The following TBC1D16 variants were observed in gnomAD, a reference collection of about 807,000 sequenced individuals.
TBC1D16 encodes the protein TBC1 domain family member 16.
TBC1D16 carries 58 observed loss-of-function variants against 74.7 expected under a neutral mutation model. The ratio of observed to expected loss-of-function variants is 0.78; its 90% CI spans 0.63 to 0.97. TBC1D16 has a LOEUF of 0.97. Among genes scored for constraint, TBC1D16 ranks in the 50% least tolerant of loss-of-function variants. TBC1D16 has a pLI of 0.00. For synonymous variants in TBC1D16, 493 were observed against 474.7 expected, an observed-to-expected ratio of 1.04 and a Z score of -0.50; for missense variants, 1,014 against 1,079.5, an observed-to-expected ratio of 0.94 and a Z score of 0.85.
In TBC1D16 at chr17:79,985,026, A is replaced by G. The variant is rs2034777130; in HGVS notation, c.779+25134T>C. On this transcript the variant is annotated intron_variant, in intron 3 of 11. Transcript: ENST00000310924. This position sits in a 1 kb window ranked among gnomAD's most constrained non-coding sequence, Gnocchi z 4.9. Reference sequence around the variant, plus strand: ...TGAAGGACCACAGACCAGAAGCTTGAAAACAACAGAAATGTATTGTCTGGC... The same window carrying G: ...TGAAGGACCACAGACCAGAAGCTTGGAAACAACAGAAATGTATTGTCTGGC... Among the ~76,000 whole-genome samples the G allele has an allele frequency of 6.6e-6, 1 of 152,144 alleles. No individual in the cohort carries two copies. Among genetic ancestry groups the G allele is most frequent in the African/African-American group, 2.4e-5 (1 of 41,414 alleles).
intron 3 of TBC1D16, among the ~76,000 whole-genome samples, chr17:79,967,013 A>G (rs1370138315): frequency 6.6e-6 from 1 of 152,234 alleles, no homozygotes; most frequent in African/African-American, 2.4e-5. Context: ...GCATTTCAAA[A>G]TAAAAACATT....
Position 79,947,647 on chromosome 17 carries a change from G to A in TBC1D16, c.1726C>T (p.Leu576=), listed in dbSNP as rs2032661563. Reference sequence around the variant, plus strand: ...GCACCCATCCCCCTGAGCCTCACCAGTTGTTTCTCCATGTCCTCGTCCCGG... The same window carrying A: ...GCACCCATCCCCCTGAGCCTCACCAATTGTTTCTCCATGTCCTCGTCCCGG... ...SPRDEDMEKQ[L]LYLRELLRLT... The change falls in exon 9 of 12, where the codon CTG becomes TTG. Residue 576 remains leucine (L), a splice_region_variant and synonymous_variant. Transcript: ENST00000310924. 1 of 1,613,948 alleles carries A rather than the reference G, an allele frequency of 6.2e-7. No homozygotes were observed. Among genetic ancestry groups the A allele is most frequent in the Non-Finnish European group, 8.5e-7 (1 of 1,179,988 alleles).
chr17:79,983,745 C>G lies in TBC1D16; in HGVS notation c.779+26415G>C, dbSNP rs1330595312. On this transcript the variant is annotated intron_variant, in intron 3 of 11. Coordinates refer to ENST00000310924, the MANE Select transcript of TBC1D16 (RefSeq NM_019020.4). The surrounding 1 kb of genome is among the most constrained non-coding windows in gnomAD (Gnocchi z 5.6). ...GGAGGAAGGAGTGGAGCACTGGCCT[C>G]CTAGGAAGCTCTAGTTCAGACACAG... Among the ~76,000 whole-genome samples the G allele has an allele frequency of 6.6e-6, 1 of 152,046 alleles. No homozygotes were observed. Among genetic ancestry groups the G allele is most frequent in the East Asian group, 1.9e-4 (1 of 5,198 alleles).
At position 79,994,960 on chromosome 17, in the gene TBC1D16, A is replaced by AT. The variant is rs2035212568; in HGVS notation, c.779+15199dup. 6.6e-6 allele frequency among the ~76,000 whole-genome samples: 1 copy of AT among 152,126 alleles called. No individual in the cohort carries two copies. Among genetic ancestry groups the AT allele is most frequent in the Non-Finnish European group, 1.5e-5 (1 of 68,020 alleles). On this transcript the variant is annotated intron_variant, in intron 3 of 11. Coordinates refer to ENST00000310924, the MANE Select transcript of TBC1D16 (RefSeq NM_019020.4). The surrounding 1 kb of genome is among the most constrained non-coding windows in gnomAD (Gnocchi z 4.6). The stretch of plus-strand genomic sequence containing the variant: ...TGAACAAGCTGGGTAATTTACAAAA[A>AT]TTTTCACCTTTTTGTTTGTTTTCTT...
In TBC1D16 at chr17:79,988,523, A is replaced by T. The variant is rs2034933448; in HGVS notation, c.779+21637T>A. On this transcript the variant is annotated intron_variant, in intron 3 of 11. Coordinates refer to ENST00000310924, the MANE Select transcript of TBC1D16 (RefSeq NM_019020.4). The surrounding 1 kb of genome is among the most constrained non-coding windows in gnomAD (Gnocchi z 5.7). ...CCATGGCTGAAAGTCAAACGCGCCC[A>T]GAGTCCACAGTCGACCACCTCCCGC... is the stretch of plus-strand genomic sequence containing the variant. Among the ~76,000 whole-genome samples the T allele has an allele frequency of 6.6e-6, 1 of 152,258 alleles. No individual in the cohort carries two copies. The highest frequency in any genetic ancestry group is 1.5e-5 in the Non-Finnish European group (1 of 68,042).
In TBC1D16 at chr17:79,940,332, G is replaced by C. The variant is rs913866872; in HGVS notation, c.*527C>G. ...CCATCGGCATCCCAGCTGTGGCTGG[G>C]GACGTTTTGGGAAGTGTGTTTGGCT... On this transcript the variant is annotated 3_prime_UTR_variant, in exon 12 of 12. Transcript: ENST00000310924. This position sits in a 1 kb window ranked among gnomAD's most constrained non-coding sequence, Gnocchi z 5.4. 3 of 152,390 alleles carry C rather than the reference G, an allele frequency of 2.0e-5. No individual in the cohort carries two copies. The highest frequency in any genetic ancestry group is 7.2e-5 in the African/African-American group (3 of 41,436). The allele number at this position is 152,390 out of a possible 1,614,324, so 9.4% of individuals were successfully genotyped here. A position where few individuals can be genotyped will look rare whatever the true frequency, so the allele number is the denominator to read the frequency against.
At chr17:80,011,806 A>AAAGAG (rs1210550165) in intron 2 of TBC1D16, among the ~76,000 whole-genome samples, 1 of 151,680 alleles carries the variant, frequency 6.6e-6, no homozygotes, top group African/African-American at 2.4e-5. Flanking sequence ...AGCCTGGATG[A>AAAGAG]CAGAGCGAGA....
At chr17:80,014,661 C>A (rs2036024633) in intron 1 of TBC1D16, among the ~76,000 whole-genome samples, 1 of 152,136 alleles carries the variant, frequency 6.6e-6, no homozygotes, top group Non-Finnish European at 1.5e-5. Context: ...GAATCTGGCA[C>A]CACTGAGAAG....
chr17:79,948,089 T>C lies in TBC1D16; in HGVS notation c.1542-258A>G, dbSNP rs528540994. Among the ~76,000 whole-genome samples the C allele has an allele frequency of 5.3e-5, 8 of 152,304 alleles. No individual in the cohort carries two copies. The South Asian group carries it at 1.7e-3, about 32-fold the overall frequency. On this transcript the variant is annotated intron_variant, in intron 8 of 11. Coordinates refer to ENST00000310924, the MANE Select transcript of TBC1D16 (RefSeq NM_019020.4). ...ACTTTGGGAGGCTGAGGTGGGCAGA[T>C]CACCTGAGGTCAGGAGTTCGACACT...
chr17:80,019,110 G>C (rs757978766), intron 1 of TBC1D16, among the ~76,000 whole-genome samples: 1 of 150,196 alleles, frequency 6.7e-6, no homozygotes, highest in Non-Finnish European at 1.5e-5. Flanking sequence ...GCTGCACACA[G>C]CTCTCAGCTG....
intron 1 of TBC1D16, among the ~76,000 whole-genome samples, chr17:80,017,412 T>C (rs984859805): frequency 7.2e-5 from 11 of 152,162 alleles, no homozygotes; most frequent in African/African-American, 2.6e-4. Flanking sequence ...CCAGGCGCGG[T>C]GGCTCACGCC....
At chr17:79,965,284 G>A (rs1246709701) in intron 3 of TBC1D16, among the ~76,000 whole-genome samples, 2 of 152,038 alleles carry the variant, frequency 1.3e-5, no homozygotes, top group African/African-American at 4.8e-5. Context: ...GTTTCACCAT[G>A]TTGGCCAGGC....
Position 80,003,342 on chromosome 17 carries a change from C to T in TBC1D16, c.779+6818G>A, listed in dbSNP as rs144453195. Among the ~76,000 whole-genome samples the T allele has an allele frequency of 6.1e-4, 93 of 152,320 alleles. 2 individuals are homozygous for T. In the East Asian group the frequency reaches 0.017, roughly 28 times the overall value. ...TTGCCTAGGCTGGCCACCCCGGGAA[C>T]GCATGCCGGGAATGACAAGAGGACC... On this transcript the variant is annotated intron_variant, in intron 3 of 11. Coordinates refer to ENST00000310924, the MANE Select transcript of TBC1D16 (RefSeq NM_019020.4).
Position 79,944,826 on chromosome 17 carries a change from A to G in TBC1D16, c.1908+82T>C. ...CTGTGGGTGGGGGGCGGCGAGGCGG[A>G]CAGGGGCAGCAGGCAGGGTGGCCAC... On this transcript the variant is annotated intron_variant, in intron 10 of 11. Coordinates refer to ENST00000310924, the MANE Select transcript of TBC1D16 (RefSeq NM_019020.4). The surrounding 1 kb of genome is among the most constrained non-coding windows in gnomAD (Gnocchi z 7.7). 1 of 1,293,548 alleles carries G rather than the reference A, an allele frequency of 7.7e-7. No homozygotes were observed. Among genetic ancestry groups the G allele is most frequent in the Non-Finnish European group, 1.0e-6 (1 of 959,628 alleles). The allele number at this position is 1,293,548 out of a possible 1,614,324, so 80.1% of individuals were successfully genotyped here.
At chr17:80,005,296 G>C (rs2035633880) in intron 3 of TBC1D16, among the ~76,000 whole-genome samples, 1 of 152,154 alleles carries the variant, frequency 6.6e-6, no homozygotes. Flanking sequence ...TGTTGCCCAG[G>C]CTTGTTTCAG....
chr17:80,005,379 C>T (rs1277143033), intron 3 of TBC1D16, among the ~76,000 whole-genome samples: 11 of 152,356 alleles, frequency 7.2e-5, no homozygotes, highest in Admixed American at 3.9e-4. Context: ...CATGGCGCCC[C>T]GTTATTCCAC....
rs1285805976 is a variant in TBC1D16, at chr17:79,944,507, A to G, written c.1908+401T>C. On this transcript the variant is annotated intron_variant, in intron 10 of 11. Transcript: ENST00000310924. This position sits in a 1 kb window ranked among gnomAD's most constrained non-coding sequence, Gnocchi z 7.7. ...ATCTCAGGCCCTTTCTCTGCACAGC[A>G]GGGTAACGGGTGAGTCGGCCCTCGT... Among the ~76,000 whole-genome samples the G allele has an allele frequency of 1.3e-5, 2 of 152,126 alleles. No individual in the cohort carries two copies. The highest frequency in any genetic ancestry group is 2.9e-5 in the Non-Finnish European group (2 of 68,018).
intron 3 of TBC1D16, among the ~76,000 whole-genome samples, chr17:79,969,512 G>A (rs989608017): frequency 1.4e-4 from 22 of 152,252 alleles, no homozygotes; most frequent in Non-Finnish European, 1.8e-4. Context: ...TAGAGAAATC[G>A]GAACCCTCAT....
Position 79,993,952 on chromosome 17 carries a change from C to A in TBC1D16, c.779+16208G>T, listed in dbSNP as rs192407066. On this transcript the variant is annotated intron_variant, in intron 3 of 11. Coordinates refer to ENST00000310924, the MANE Select transcript of TBC1D16 (RefSeq NM_019020.4). The surrounding 1 kb of genome is among the most constrained non-coding windows in gnomAD (Gnocchi z 5.1). The stretch of plus-strand genomic sequence containing the variant: ...GCAGCTGTCAATGGTTTCTGAGCTG[C>A]GGTGGAAAAGGCTGACAAGTTTCAT... 6.6e-6 allele frequency among the ~76,000 whole-genome samples: 1 copy of A among 152,252 alleles called. No homozygotes were observed. Among genetic ancestry groups the A allele is most frequent in the East Asian group, 1.9e-4 (1 of 5,174 alleles).
Sources: allele counts gnomAD v4.1 joint callset (sites outside exome capture counted in the v4.1 genomes callset), GRCh38; gene constraint gnomAD v4.1.1; non-coding constraint Gnocchi (gnomAD v3.1); transcripts MANE v1.5; gene names NCBI Gene and HGNC (gene_info 2026-07-23, HGNC 2026-07-21).